The following BAZ2B variants were observed in gnomAD, a reference collection of about 807,000 sequenced individuals.
The protein encoded by BAZ2B is bromodomain adjacent to zinc finger domain protein 2B.
In BAZ2B, 91 loss-of-function variants were observed where a neutral mutation model predicts 246.0. That is an observed-to-expected ratio of 0.37 (90% CI 0.31 to 0.44). BAZ2B has a LOEUF of 0.44. Ranked by LOEUF, BAZ2B falls within the 20% of genes least tolerant of loss-of-function variation. The probability of loss-of-function intolerance (pLI) is 1.00; values close to 1 mark genes in which losing one functional copy is unlikely to be tolerated. For synonymous variants in BAZ2B, 855 were observed against 860.0 expected, an observed-to-expected ratio of 0.99 and a Z score of 0.10; for missense variants, 2,332 against 2,533.7, an observed-to-expected ratio of 0.92 and a Z score of 1.71.
intron 21 of BAZ2B, among the ~76,000 whole-genome samples, chr2:159,389,010 C>T (rs749089166): frequency 2.4e-4 from 37 of 152,204 alleles, no homozygotes; most frequent in South Asian, 1.0e-3. Flanking sequence ...AGCCTGGGAA[C>T]GAGAAGTTGA....
At chr2:159,582,017 AT>A (rs1686924156) in intron 1 of BAZ2B, among the ~76,000 whole-genome samples, 1 of 152,180 alleles carries the variant, frequency 6.6e-6, no homozygotes, top group South Asian at 2.1e-4. Flanking sequence ...ATGTGTACAT[AT>A]GTAACAAACC....
At chr2:159,648,053 A>G in the BAZ2B span, among the ~76,000 whole-genome samples, 2 of 152,180 alleles carry the variant, frequency 1.3e-5, no homozygotes, top group African/African-American at 4.8e-5. Flanking sequence ...TACTTGTGGA[A>G]ACCTTAACAT....
intron 22 of BAZ2B, among the ~76,000 whole-genome samples, chr2:159,385,715 T>C (rs549542688): frequency 6.6e-6 from 1 of 152,206 alleles, no homozygotes; most frequent in South Asian, 2.1e-4. Context: ...TTATCAGGAA[T>C]GACAGAGTGG....
chr2:159,415,724 C>T (rs1232612629), intron 13 of BAZ2B, among the ~76,000 whole-genome samples: 1 of 152,030 alleles, frequency 6.6e-6, no homozygotes. Context: ...AAAAATAACC[C>T]AAAGTTCTTG....
At chr2:159,327,330 T>C (rs2063858054) in intron 34 of BAZ2B, among the ~76,000 whole-genome samples, 1 of 152,230 alleles carries the variant, frequency 6.6e-6, no homozygotes, top group Admixed American at 6.5e-5. Context: ...AAAAATGCTC[T>C]TAAGCAGTTA....
the BAZ2B span, chr2:159,712,420 C>A: frequency 6.5e-6 from 1 of 153,048 alleles, no homozygotes; most frequent in Non-Finnish European, 1.5e-5. Context: ...TCTCGGTCCC[C>A]GCCGCGCCGC....
chr2:159,350,093 G>C lies in BAZ2B; in HGVS notation c.4478C>G (p.Ala1493Gly). The C allele has an allele frequency of 6.2e-7, 1 of 1,614,096 alleles. No homozygotes were observed. Among genetic ancestry groups the C allele is most frequent in the Non-Finnish European group, 8.5e-7 (1 of 1,180,008 alleles). Residue 1493 changes from alanine (A) to glycine (G), a missense_variant, in exon 28 of 37, where the codon GCA becomes GGA. By Grantham distance (60) the Ala-to-Gly change is moderately conservative (BLOSUM62 0). Transcript: ENST00000392783. ...CTGATAAGACAACGTGCACCCATTT[G>C]CACCAGCATTTGGTTTGGGGGTCAT... is the stretch of plus-strand genomic sequence containing the variant. ...EVMTPKPNAGANGCTLSYQNS... is the reference protein window; with the variant it reads ...EVMTPKPNAGGNGCTLSYQNS...
chr2:159,319,761 C>T lies in BAZ2B; in HGVS notation c.*504G>A, dbSNP rs1291799065. On this transcript the variant is annotated 3_prime_UTR_variant, in exon 37 of 37. Coordinates refer to ENST00000392783, the MANE Select transcript of BAZ2B (RefSeq NM_013450.4). This position sits in a 1 kb window ranked among gnomAD's most constrained non-coding sequence, Gnocchi z 4.0. ...TATTTTAAAACATTCCTTGTATTTT[C>T]AAGATTTAAAGCAATTTTCTAGTTC... is the stretch of plus-strand genomic sequence containing the variant. The T allele has an allele frequency of 6.6e-6, 1 of 152,444 alleles. No homozygotes were observed. Among genetic ancestry groups the T allele is most frequent in the East Asian group, 1.9e-4 (1 of 5,200 alleles). The allele number at this position is 152,444 out of a possible 1,614,324, so 9.4% of individuals were successfully genotyped here.
intron 13 of BAZ2B, among the ~76,000 whole-genome samples, chr2:159,423,085 G>A (rs2069074229): frequency 6.6e-6 from 1 of 152,124 alleles, no homozygotes; most frequent in Admixed American, 6.5e-5. Flanking sequence ...GGAGGCCAAG[G>A]CAGGCAGATC....
chr2:159,415,657 T>C (rs920004291), intron 13 of BAZ2B, among the ~76,000 whole-genome samples: 1 of 152,176 alleles, frequency 6.6e-6, no homozygotes, highest in African/African-American at 2.4e-5. Context: ...TGTTTTTCTC[T>C]AAAAATATCC....
At chr2:159,668,517 T>C in the BAZ2B span, among the ~76,000 whole-genome samples, 62 of 152,354 alleles carry the variant, frequency 4.1e-4, no homozygotes, top group Admixed American at 1.1e-3. Context: ...GTTTATATTG[T>C]GAATGCATGT....
chr2:159,509,685 A>G (rs2151173276), intron 2 of BAZ2B, among the ~76,000 whole-genome samples: 1 of 152,300 alleles, frequency 6.6e-6, no homozygotes, highest in African/African-American at 2.4e-5. Context: ...ACTTGAAAAC[A>G]TACTTGTACA....
rs904748690 is a variant in BAZ2B at position 159,319,924 on chromosome 2, A to G, written c.*341T>C. On this transcript the variant is annotated 3_prime_UTR_variant, in exon 37 of 37. Transcript: ENST00000392783. The surrounding 1 kb of genome is among the most constrained non-coding windows in gnomAD (Gnocchi z 4.0). ...ATTTATTGAGAGGGAAAGGAGAACC[A>G]TTTCCCACATTAGAGCTCTGGTGTT... is the stretch of plus-strand genomic sequence containing the variant. 6.1e-5 allele frequency: 10 copies of G among 164,100 alleles called. No individual in the cohort carries two copies. Among genetic ancestry groups the G allele is most frequent in the Middle Eastern group, 2.6e-3 (1 of 388 alleles). 10.2% of individuals were successfully genotyped at this position (164,100 alleles called of 1,614,324 possible). A position where few individuals can be genotyped will look rare whatever the true frequency, so the allele number is the denominator to read the frequency against.
the BAZ2B span, among the ~76,000 whole-genome samples, chr2:159,674,355 G>C: frequency 7.1e-6 from 1 of 140,998 alleles, no homozygotes; most frequent in Non-Finnish European, 1.6e-5. Context: ...AAAAAAGAAA[G>C]AAAGAAAAGG....
At chr2:159,508,550 C>T (rs549793702) in intron 2 of BAZ2B, among the ~76,000 whole-genome samples, 2 of 152,186 alleles carry the variant, frequency 1.3e-5, no homozygotes, top group African/African-American at 4.8e-5. Context: ...ATCTCATTCC[C>T]AGTTCCTACT....
At chr2:159,413,659 G>A (rs951983055) in intron 13 of BAZ2B, among the ~76,000 whole-genome samples, 3 of 152,122 alleles carry the variant, frequency 2.0e-5, no homozygotes, top group Non-Finnish European at 4.4e-5. Context: ...AGTAAGCCGA[G>A]ATCGCACCAT....
chr2:159,361,046 G>C (rs1433229636), intron 27 of BAZ2B, among the ~76,000 whole-genome samples: 1 of 151,996 alleles, frequency 6.6e-6, no homozygotes, highest in Non-Finnish European at 1.5e-5. Context: ...CATGGGCAAG[G>C]ACTTGGTAAC....
intron 1 of BAZ2B, among the ~76,000 whole-genome samples, chr2:159,597,563 G>A (rs535236195): frequency 1.1e-4 from 17 of 152,254 alleles, no homozygotes; most frequent in African/African-American, 2.9e-4. Context: ...GTCTTGCTCC[G>A]TTGCCCAGGC....
At chr2:159,315,625 T>C (rs1030414898), downstream of BAZ2B, among the ~76,000 whole-genome samples, 1 of 152,192 alleles carries the variant, frequency 6.6e-6, no homozygotes, top group African/African-American at 2.4e-5. Context: ...GAAGCAGCAG[T>C]GTTATTTTAT....
Sources: allele counts gnomAD v4.1 joint callset (sites outside exome capture counted in the v4.1 genomes callset), GRCh38; gene constraint gnomAD v4.1.1; non-coding constraint Gnocchi (gnomAD v3.1); transcripts MANE v1.5; gene names NCBI Gene and HGNC (gene_info 2026-07-23, HGNC 2026-07-21).